Variants in CSMD1 observed in about 807,000 individuals in gnomAD.
CSMD1 encodes CUB and sushi domain-containing protein 1.
Under a neutral mutation model 417.5 loss-of-function variants are expected in CSMD1, and 213 were observed. That is an observed-to-expected ratio of 0.51 (90% CI 0.46 to 0.57). CSMD1 has a LOEUF of 0.57. Among genes scored for constraint, CSMD1 ranks in the 20% least tolerant of loss-of-function variants. The pLI is 0.00. For missense variants in CSMD1, 6,923 were observed against 4,529.7 expected, an observed-to-expected ratio of 1.53 and a Z score of -15.17; for synonymous variants, 2,862 against 1,736.8, an observed-to-expected ratio of 1.65 and a Z score of -16.11.
intron 3 of CSMD1, among the ~76,000 whole-genome samples, chr8:4,193,578 G>C (rs1485035032): frequency 6.6e-6 from 1 of 152,060 alleles, no homozygotes; most frequent in Non-Finnish European, 1.5e-5. Context: ...AAATGAAAGA[G>C]GCAGAGGATG....
At chr8:3,592,694 G>A (rs184600309) in intron 8 of CSMD1, among the ~76,000 whole-genome samples, 2 of 99,270 alleles carry the variant, frequency 2.0e-5, no homozygotes, top group Non-Finnish European at 4.5e-5. Flanking sequence ...GTGCACATCC[G>A]TGTGTGTGTG....
intron 3 of CSMD1, among the ~76,000 whole-genome samples, chr8:4,419,310 T>C (rs1303169399): frequency 1.3e-5 from 2 of 152,160 alleles, no homozygotes; most frequent in Non-Finnish European, 2.9e-5. Flanking sequence ...AAGTATTAAC[T>C]AGTTCAATTT....
chr8:4,854,961 G>C (rs1235179470), intron 1 of CSMD1, among the ~76,000 whole-genome samples: 4 of 152,306 alleles, frequency 2.6e-5, no homozygotes, highest in South Asian at 4.1e-4. Flanking sequence ...TCTGGGGGCA[G>C]GGCACAGACA....
intron 37 of CSMD1, among the ~76,000 whole-genome samples, chr8:3,180,436 G>C (rs1304731683): frequency 6.6e-6 from 1 of 152,170 alleles, no homozygotes; most frequent in Non-Finnish European, 1.5e-5. Context: ...CTAGGCAGAA[G>C]TCAGGATTGT....
intron 49 of CSMD1, among the ~76,000 whole-genome samples, chr8:3,078,192 C>T (rs139042979): frequency 6.6e-6 from 1 of 152,172 alleles, no homozygotes; most frequent in African/African-American, 2.4e-5. Context: ...ATATTTTGTA[C>T]AGTTCCTTGT....
At chr8:4,414,551 C>T (rs768224934) in intron 3 of CSMD1, among the ~76,000 whole-genome samples, 1 of 152,088 alleles carries the variant, frequency 6.6e-6, no homozygotes, top group Admixed American at 6.6e-5. Flanking sequence ...AAACTACGAT[C>T]CATACTATAG....
At chr8:3,385,468 A>G (rs1420476954) in intron 18 of CSMD1, among the ~76,000 whole-genome samples, 1 of 151,914 alleles carries the variant, frequency 6.6e-6, no homozygotes, top group East Asian at 1.9e-4. Flanking sequence ...AAAGTCAACT[A>G]TCTTCTCTTT....
intron 1 of CSMD1, among the ~76,000 whole-genome samples, chr8:4,750,833 C>G (rs751920573): frequency 6.6e-6 from 1 of 151,666 alleles, no homozygotes; most frequent in Non-Finnish European, 1.5e-5. Context: ...CAAGGGTCTA[C>G]TGATAGCTGA....
At chr8:4,260,824 G>A (rs1042238994) in intron 3 of CSMD1, among the ~76,000 whole-genome samples, 31 of 152,076 alleles carry the variant, frequency 2.0e-4, no homozygotes, top group African/African-American at 7.5e-4. Context: ...TGTATATTAT[G>A]ACACTCTTTG....
intron 10 of CSMD1, among the ~76,000 whole-genome samples, chr8:3,538,255 C>T (rs1457054277): frequency 1.3e-5 from 2 of 152,236 alleles, no homozygotes; most frequent in Non-Finnish European, 2.9e-5. Flanking sequence ...AGATGCCTCA[C>T]CTGAGATGCT....
At chr8:4,134,167 T>A (rs896065170) in intron 3 of CSMD1, among the ~76,000 whole-genome samples, 1 of 152,206 alleles carries the variant, frequency 6.6e-6, no homozygotes, top group African/African-American at 2.4e-5. Flanking sequence ...ATGTGTATGT[T>A]TGACTATTTA....
chr8:3,470,271 C>A (rs1054329186), intron 11 of CSMD1, among the ~76,000 whole-genome samples: 1 of 152,124 alleles, frequency 6.6e-6, no homozygotes, highest in Non-Finnish European at 1.5e-5. Flanking sequence ...AGTATTGTTT[C>A]ATTTACTTCA....
chr8:3,875,679 T>C (rs1020878062), intron 5 of CSMD1, among the ~76,000 whole-genome samples: 1 of 152,094 alleles, frequency 6.6e-6, no homozygotes, highest in African/African-American at 2.4e-5. Flanking sequence ...GGAGAGCAGC[T>C]CTGGCTGAGG....
intron 38 of CSMD1, among the ~76,000 whole-genome samples, chr8:3,158,995 C>T (rs1465938007): frequency 6.6e-6 from 1 of 152,208 alleles, no homozygotes; most frequent in Non-Finnish European, 1.5e-5. Context: ...AACTAACTTT[C>T]TCATACCTCT....
intron 1 of CSMD1, among the ~76,000 whole-genome samples, chr8:4,919,290 A>G (rs2117131218): frequency 6.6e-6 from 1 of 152,344 alleles, no homozygotes; most frequent in East Asian, 1.9e-4. Flanking sequence ...CAATTAGAGT[A>G]TATTTAGAAC....
At chr8:4,960,311 A>T (rs1372330589) in intron 1 of CSMD1, among the ~76,000 whole-genome samples, 1 of 152,216 alleles carries the variant, frequency 6.6e-6, no homozygotes, top group Non-Finnish European at 1.5e-5. Context: ...TGATATATAG[A>T]CAAGTGTGTT....
At chr8:3,461,098 T>G (rs1379180395) in intron 12 of CSMD1, among the ~76,000 whole-genome samples, 3 of 152,168 alleles carry the variant, frequency 2.0e-5, no homozygotes, top group Non-Finnish European at 4.4e-5. Flanking sequence ...CACCGCAGAC[T>G]CAGGTCCCAC....
chr8:4,241,457 C>T (rs144026467), intron 3 of CSMD1, among the ~76,000 whole-genome samples: 2 of 152,294 alleles, frequency 1.3e-5, no homozygotes, highest in African/African-American at 2.4e-5. Flanking sequence ...ACTACATCTC[C>T]AACTGCAGAA....
At chr8:4,713,883 A>T (rs1808473872) in intron 1 of CSMD1, among the ~76,000 whole-genome samples, 1 of 152,106 alleles carries the variant, frequency 6.6e-6, no homozygotes, top group African/African-American at 2.4e-5. Context: ...GTGGAGGTGG[A>T]GATAAAATTT....
Sources: allele counts gnomAD v4.1 joint callset (sites outside exome capture counted in the v4.1 genomes callset), GRCh38; gene constraint gnomAD v4.1.1; transcripts MANE v1.5; gene names NCBI Gene and HGNC (gene_info 2026-07-23, HGNC 2026-07-21).